ALG1: variants seen among roughly 807,000 people sequenced by gnomAD.
ALG1 encodes the protein chitobiosyldiphosphodolichol beta-mannosyltransferase.
ALG1 carries 58 observed loss-of-function variants against 55.1 expected under a neutral mutation model. The ratio of observed to expected loss-of-function variants is 1.05; its 90% CI spans 0.85 to 1.31. The LOEUF (loss-of-function observed/expected upper bound fraction) is 1.31. Among genes scored for constraint, ALG1 ranks in the 50% most tolerant of loss-of-function variants. The pLI is 0.00. For synonymous variants in ALG1, 309 were observed against 247.0 expected, an observed-to-expected ratio of 1.25 and a Z score of -2.35; for missense variants, 761 against 598.6, an observed-to-expected ratio of 1.27 and a Z score of -2.83.
At chr16:5,078,288 G>A in intron 6 of ALG1, 2 of 664,214 alleles carry the variant, frequency 3.0e-6, no homozygotes, top group South Asian at 3.0e-5. Context: ...TTACTCTCTG[G>A]CCCTTTAAGA....
At chr16:5,079,655 T>A in intron 8 of ALG1, 93 bp from the exon 9 acceptor site, 1 of 1,448,936 alleles carries the variant, frequency 6.9e-7, no homozygotes, top group Non-Finnish European at 9.7e-7. Flanking sequence ...CGCCATTGCA[T>A]TCCAGCCTGG....
At chr16:5,075,295 G>T (rs1049093491) in intron 3 of ALG1, 93 bp from the exon 4 acceptor site, 215 of 1,317,316 alleles carry the variant, frequency 1.6e-4, no homozygotes, top group Non-Finnish European at 2.0e-4. Context: ...AAAGATAACA[G>T]ACTCATCACC....
At position 5,072,950 on chromosome 16, in the gene ALG1, G is replaced by T; in HGVS notation, c.209-1G>T. On this transcript the variant is annotated splice_acceptor_variant, in intron 1 of 12. Coordinates refer to ENST00000262374, the MANE Select transcript of ALG1 (RefSeq NM_019109.5). LOFTEE classifies it high-confidence loss of function. ...TTAAAGGGATCATTCTCATTTTTCA[G>T]ACTCCAAACCCCATGATGAGCTCTT... 1 of 1,614,008 alleles carries T rather than the reference G, an allele frequency of 6.2e-7. No individual in the cohort carries two copies. Among genetic ancestry groups the T allele is most frequent in the Non-Finnish European group, 8.5e-7 (1 of 1,179,914 alleles).
intron 4 of ALG1, among the ~76,000 whole-genome samples, chr16:5,076,251 C>T (rs889324401): frequency 2.6e-5 from 4 of 152,256 alleles, no homozygotes; most frequent in African/African-American, 9.6e-5. Flanking sequence ...GCGTGTACTT[C>T]CGGCCTTGGG....
At chr16:5,073,119 C>G in intron 2 of ALG1, 34 bp from the exon 3 acceptor site, 1 of 1,612,952 alleles carries the variant, frequency 6.2e-7, no homozygotes, top group Non-Finnish European at 8.5e-7. Context: ...GCCAGACGCT[C>G]CTTTGGTAGT....
At position 5,074,666 on chromosome 16, in the gene ALG1, A is replaced by G. The variant is rs193139112; in HGVS notation, c.391-722A>G. 2.8e-3 allele frequency among the ~76,000 whole-genome samples: 424 copies of G among 152,272 alleles called. 1 individual carries two copies. Among genetic ancestry groups the G allele is most frequent in the Non-Finnish European group, 5.1e-3 (344 of 68,004 alleles). On this transcript the variant is annotated intron_variant, in intron 3 of 12. Transcript: ENST00000262374. Reference sequence around the variant, plus strand: ...CAGTGGAATTGTGTAGTCAAAGTTGATGCATTTTAAAAATGTGTATGTTAC... The same window carrying G: ...CAGTGGAATTGTGTAGTCAAAGTTGGTGCATTTTAAAAATGTGTATGTTAC...
In ALG1 at chr16:5,084,566, A is replaced by C. The variant is rs531888224; in HGVS notation, c.1264-184A>C. 2.3e-4 allele frequency: 230 copies of C among 979,400 alleles called. 1 individual carries two copies. Among genetic ancestry groups the C allele is most frequent in the Middle Eastern group, 6.2e-4 (2 of 3,220 alleles). The allele number at this position is 979,400 out of a possible 1,614,324, so 60.7% of individuals were successfully genotyped here. A position where few individuals can be genotyped will look rare whatever the true frequency, so the allele number is the denominator to read the frequency against. ...GTGGGACATGCGGGGAAGTTTCCAG[A>C]AACTGTGATGTCAAGTTGGAGGCGG... On this transcript the variant is annotated intron_variant, in intron 12 of 12. Transcript: ENST00000262374.
At chr16:5,073,088 G>A (rs1956848143) in intron 2 of ALG1, 60 bp downstream of exon 2, 6 of 1,611,922 alleles carry the variant, frequency 3.7e-6, no homozygotes, top group Non-Finnish European at 5.1e-6. Context: ...GGGGGTGTTC[G>A]TTTGAAAAGC....
At chr16:5,072,283 TG>T in intron 1 of ALG1, 1 of 1,443,542 alleles carries the variant, frequency 6.9e-7, no homozygotes, top group South Asian at 1.4e-5. Flanking sequence ...ATCCATTGCG[TG>T]GTCTCACGTA....
Position 5,071,874 on chromosome 16 carries a change from C to T in ALG1, c.25C>T (p.Leu9=), listed in dbSNP as rs771370322. 56 of 1,604,716 alleles carry T rather than the reference C, an allele frequency of 3.5e-5. No individual in the cohort carries two copies. The highest frequency in any genetic ancestry group is 3.4e-4 in the Middle Eastern group (2 of 5,816). ...GATGGCGGCCTCATGCTTGGTCCTG[C>T]TGGCGCTGTGTCTGCTGCTGCCGCT... The part of the protein sequence containing the change: MAASCLVL[L]ALCLLLPLLL... The change falls in exon 1 of 13, where the codon CTG becomes TTG. Residue 9 remains leucine, a synonymous_variant. Coordinates refer to ENST00000262374, the MANE Select transcript of ALG1 (RefSeq NM_019109.5).
rs750451819 is a variant in ALG1 at position 5,073,161 on chromosome 16, C to A, written c.295C>A (p.Arg99=). The A allele has an allele frequency of 6.2e-7, 1 of 1,614,116 alleles. No homozygotes were observed. The highest frequency in any genetic ancestry group is 2.2e-5 in the East Asian group (1 of 44,890). ...TGTTTTCTGACTTGCAGTTGGGCCCCGAGTTTTCCAGTACGGAGTCAAAGT... is the reference window on the plus strand; with the variant it reads ...TGTTTTCTGACTTGCAGTTGGGCCCAGAGTTTTCCAGTACGGAGTCAAAGT... The part of the protein sequence containing the change: ...TELQSLAVGP[R]VFQYGVKVVL... The change falls in exon 3 of 13, where the codon CGA becomes AGA. Residue 99 remains arginine (R), a synonymous_variant. Transcript: ENST00000262374.
At position 5,085,036 on chromosome 16, in the gene ALG1, G is replaced by A; in HGVS notation, c.*155G>A. Reference sequence around the variant, plus strand: ...TGCCTGGTAAAAGAATTGGTTCTGTGACCCGGGAAGCTTTGGTTGGCCTTG... The same window carrying A: ...TGCCTGGTAAAAGAATTGGTTCTGTAACCCGGGAAGCTTTGGTTGGCCTTG... On this transcript the variant is annotated 3_prime_UTR_variant, in exon 13 of 13. Coordinates refer to ENST00000262374, the MANE Select transcript of ALG1 (RefSeq NM_019109.5). The A allele has an allele frequency of 2.9e-6, 4 of 1,398,560 alleles. No individual in the cohort carries two copies. The Admixed American group carries it at 7.9e-5, about 28-fold the overall frequency. The allele number at this position is 1,398,560 out of a possible 1,614,324, so 86.6% of individuals were successfully genotyped here. A position where few individuals can be genotyped will look rare whatever the true frequency, so the allele number is the denominator to read the frequency against.
At chr16:5,078,326 A>C (rs1201292739) in intron 6 of ALG1, 5 of 611,688 alleles carry the variant, frequency 8.2e-6, no homozygotes, top group South Asian at 7.6e-5. Context: ...GCGCTGTCTT[A>C]CTCTCCTGCC....
Position 5,071,913 on chromosome 16 carries a change from G to T in ALG1, c.64G>T (p.Gly22Ter). 2 of 1,597,338 alleles carry T rather than the reference G, an allele frequency of 1.3e-6. No homozygotes were observed. The highest frequency in any genetic ancestry group is 2.3e-5 in the East Asian group (1 of 43,922). Reference protein sequence around the residue: ...CLLLPLLLLGGWKRWRRGRAA... With the variant: ...CLLLPLLLLG ...GCTGCTGCCGCTGCTGCTGCTGGGAGGATGGAAGCGCTGGCGCCGGGGGCG... is the reference window on the plus strand; with the variant it reads ...GCTGCTGCCGCTGCTGCTGCTGGGATGATGGAAGCGCTGGCGCCGGGGGCG... The change falls in exon 1 of 13, where the codon GGA becomes TGA. Residue 22 changes from glycine to a stop codon, truncating the protein, a stop_gained. Coordinates refer to ENST00000262374, the MANE Select transcript of ALG1 (RefSeq NM_019109.5). LOFTEE classifies it high-confidence loss of function.
At chr16:5,073,577 G>T in intron 3 of ALG1, 1 of 425,492 alleles carries the variant, frequency 2.4e-6, no homozygotes, top group South Asian at 2.2e-5. Flanking sequence ...TCATTTAGAT[G>T]AGAAAACCTA....
intron 10 of ALG1, among the ~76,000 whole-genome samples, chr16:5,082,175 C>G (rs1957027277): frequency 6.6e-6 from 1 of 152,086 alleles, no homozygotes; most frequent in Non-Finnish European, 1.5e-5. Flanking sequence ...GAACTCCTGA[C>G]CTCAGGTGAT....
chr16:5,079,338 C>G (rs535441126), intron 8 of ALG1, among the ~76,000 whole-genome samples: 2 of 152,286 alleles, frequency 1.3e-5, no homozygotes, highest in East Asian at 3.9e-4. Context: ...GTGGCCTCCC[C>G]GCCAGAGCAG....
At chr16:5,076,375 C>G (rs1204938052) in intron 4 of ALG1, among the ~76,000 whole-genome samples, 1 of 152,228 alleles carries the variant, frequency 6.6e-6, no homozygotes, top group African/African-American at 2.4e-5. Flanking sequence ...TGAGCACCTG[C>G]TGCATGCCAG....
In ALG1 at chr16:5,075,374, TC is replaced by T; in HGVS notation, c.391-13del. 6.2e-7 allele frequency: 1 copy of T among 1,614,104 alleles called. No homozygotes were observed. Among genetic ancestry groups the T allele is most frequent in the African/African-American group, 1.3e-5 (1 of 75,052 alleles). ...GTCTGGGTTTCCTCCCCTTCAAGTC[TC>T]TATCTTTCCTAGAACCCCCCAGGTC... On this transcript the variant is annotated splice_polypyrimidine_tract_variant and intron_variant, in intron 3 of 12. Coordinates refer to ENST00000262374, the MANE Select transcript of ALG1 (RefSeq NM_019109.5).
Sources: allele counts gnomAD v4.1 joint callset (sites outside exome capture counted in the v4.1 genomes callset), GRCh38; gene constraint gnomAD v4.1.1; transcripts MANE v1.5; gene names NCBI Gene and HGNC (gene_info 2026-07-23, HGNC 2026-07-21).